Variants in GALNT13 observed in about 807,000 individuals in gnomAD.
GALNT13 encodes polypeptide N-acetylgalactosaminyltransferase 13, also known as UDP-GalNAc:polypeptide N-acetylgalactosaminyltransferase 13.
In GALNT13, 28 loss-of-function variants were observed where a neutral mutation model predicts 64.2. The ratio of observed to expected loss-of-function variants is 0.44; its 90% CI spans 0.32 to 0.60. The LOEUF (loss-of-function observed/expected upper bound fraction) is 0.60, where lower values mean the gene tolerates loss of function less well. GALNT13 is among the 20% of genes least tolerant of loss of function. GALNT13 has a pLI of 0.05. For synonymous variants in GALNT13, 214 were observed against 224.6 expected (o/e 0.95, Z 0.42); for missense variants, 577 against 669.8 (o/e 0.86, Z 1.53).
At chr2:154,152,070 G>A (rs1255654095) in intron 4 of GALNT13, among the ~76,000 whole-genome samples, 4 of 152,118 alleles carry the variant, frequency 2.6e-5, no homozygotes, top group South Asian at 2.1e-4. Context: ...GGCTGGTACC[G>A]GTTGTTCCTT....
At chr2:153,596,778 T>C in the GALNT13 span, among the ~76,000 whole-genome samples, 7 of 152,182 alleles carry the variant, frequency 4.6e-5, no homozygotes, top group African/African-American at 1.7e-4. Flanking sequence ...CATATGTATA[T>C]ATGTGTGTAC....
intron 2 of GALNT13, among the ~76,000 whole-genome samples, chr2:153,918,555 G>A (rs868305927): frequency 1.4e-4 from 21 of 152,016 alleles, no homozygotes; most frequent in Middle Eastern, 3.2e-3. Context: ...AGGAAATTTT[G>A]AGATTCCTAC....
At chr2:153,081,314 A>G in the GALNT13 span, among the ~76,000 whole-genome samples, 3 of 152,158 alleles carry the variant, frequency 2.0e-5, no homozygotes, top group Admixed American at 1.3e-4. Context: ...TAAGCACATG[A>G]TGGAGATCAG....
At chr2:153,194,865 A>T in the GALNT13 span, among the ~76,000 whole-genome samples, 1 of 152,164 alleles carries the variant, frequency 6.6e-6, no homozygotes, top group Non-Finnish European at 1.5e-5. Context: ...GATGTCTGTG[A>T]TTTCCTCAGT....
the GALNT13 span, among the ~76,000 whole-genome samples, chr2:153,744,495 C>T: frequency 6.6e-6 from 1 of 152,068 alleles, no homozygotes; most frequent in African/African-American, 2.4e-5. Flanking sequence ...AGTATATATT[C>T]AGATATTTTG....
chr2:154,013,316 G>A (rs1365602546), intron 3 of GALNT13, among the ~76,000 whole-genome samples: 3 of 59,670 alleles, frequency 5.0e-5, no homozygotes, highest in Non-Finnish European at 7.1e-5. Context: ...CCAGGGGGCC[G>A]GGAAGCCCCA....
At chr2:153,978,982 A>G (rs1418733110) in intron 3 of GALNT13, among the ~76,000 whole-genome samples, 4 of 152,096 alleles carry the variant, frequency 2.6e-5, no homozygotes, top group African/African-American at 7.2e-5. Flanking sequence ...ATAACAATAC[A>G]GTAATATGCT....
chr2:153,999,223 C>T (rs1695730167), intron 3 of GALNT13, among the ~76,000 whole-genome samples: 1 of 150,538 alleles, frequency 6.6e-6, no homozygotes, highest in Admixed American at 6.6e-5. Flanking sequence ...TGGAACAGAA[C>T]AGAGGCCTCA....
At chr2:153,819,413 A>T in the GALNT13 span, among the ~76,000 whole-genome samples, 1 of 151,962 alleles carries the variant, frequency 6.6e-6, no homozygotes, top group African/African-American at 2.4e-5. Context: ...GTTGCTGCCT[A>T]TCAAGGAAGG....
chr2:153,543,724 G>C, the GALNT13 span, among the ~76,000 whole-genome samples: 1 of 152,150 alleles, frequency 6.6e-6, no homozygotes, highest in Non-Finnish European at 1.5e-5. Context: ...ACAAGAAACC[G>C]TCTTCCTGCT....
chr2:153,876,239 A>G (rs1452315776), intron 1 of GALNT13, among the ~76,000 whole-genome samples: 1 of 149,678 alleles, frequency 6.7e-6, no homozygotes, highest in Non-Finnish European at 1.5e-5. Context: ...ACACACATAC[A>G]CACACAGTGG....
chr2:153,973,143 G>A (rs1290068573), intron 3 of GALNT13, among the ~76,000 whole-genome samples: 1 of 151,636 alleles, frequency 6.6e-6, no homozygotes, highest in African/African-American at 2.4e-5. Flanking sequence ...ATAGAGATAT[G>A]AGGAAAGTAC....
the GALNT13 span, among the ~76,000 whole-genome samples, chr2:153,714,211 A>G: frequency 1.3e-5 from 2 of 152,228 alleles, no homozygotes; most frequent in Admixed American, 1.3e-4. Flanking sequence ...CGACTGAGAC[A>G]GAACACATTT....
chr2:154,145,048 TTC>T (rs3075862), intron 4 of GALNT13, among the ~76,000 whole-genome samples: 2,090 of 106,606 alleles, frequency 0.02, 47 homozygotes, highest in African/African-American at 0.048. Context: ...ATTTATGTAG[TTC>T]TCTCTCTCTC....
the GALNT13 span, among the ~76,000 whole-genome samples, chr2:153,786,981 C>T: frequency 2.0e-5 from 3 of 152,094 alleles, no homozygotes; most frequent in African/African-American, 4.8e-5. Context: ...GGGCTAATCA[C>T]GCTGAGTGGT....
At chr2:154,223,312 A>C (rs1688411439) in intron 4 of GALNT13, among the ~76,000 whole-genome samples, 1 of 152,136 alleles carries the variant, frequency 6.6e-6, no homozygotes, top group Admixed American at 6.6e-5. Flanking sequence ...GATAGCAGTA[A>C]CATATAAGGG....
intron 9 of GALNT13, among the ~76,000 whole-genome samples, chr2:154,355,434 C>A (rs776827260): frequency 2.6e-5 from 4 of 152,058 alleles, no homozygotes; most frequent in Admixed American, 6.6e-5. Flanking sequence ...TTTTAGTTCA[C>A]GAAGCGCATC....
the GALNT13 span, among the ~76,000 whole-genome samples, chr2:153,607,209 G>A: frequency 6.8e-6 from 1 of 147,114 alleles, no homozygotes; most frequent in Admixed American, 6.7e-5. Context: ...ATTACTTGGT[G>A]AGTGACACAA....
chr2:154,243,165 A>G (rs1573941910), intron 6 of GALNT13, among the ~76,000 whole-genome samples: 2 of 152,250 alleles, frequency 1.3e-5, no homozygotes, highest in East Asian at 3.8e-4. Context: ...GGAAATAAAT[A>G]TAATCTAAAA....
Sources: allele counts gnomAD v4.1 joint callset (sites outside exome capture counted in the v4.1 genomes callset), GRCh38; gene constraint gnomAD v4.1.1; transcripts MANE v1.5; gene names NCBI Gene and HGNC (gene_info 2026-07-23, HGNC 2026-07-21).